Variants in RPGRIP1L observed in about 807,000 individuals in gnomAD.
The protein encoded by RPGRIP1L is RPGRIP1 like, also known as protein fantom.
RPGRIP1L carries 131 observed loss-of-function variants against 160.4 expected under a neutral mutation model. That is an observed-to-expected ratio of 0.82 (90% confidence interval 0.71 to 0.94). The LOEUF (loss-of-function observed/expected upper bound fraction) is 0.94, where lower values mean the gene tolerates loss of function less well. Among genes scored for constraint, RPGRIP1L ranks in the 40% least tolerant of loss-of-function variants. The pLI is 0.00. For missense variants in RPGRIP1L, 1,522 were observed against 1,535.8 expected, an observed-to-expected ratio of 0.99 and a Z score of 0.15; for synonymous variants, 510 against 515.8, an observed-to-expected ratio of 0.99 and a Z score of 0.15.
intron 7 of RPGRIP1L, among the ~76,000 whole-genome samples, chr16:53,674,205 T>C (rs1002506854): frequency 6.6e-6 from 1 of 152,144 alleles, no homozygotes; most frequent in Non-Finnish European, 1.5e-5. Flanking sequence ...CTGAAAAATA[T>C]TTAACTATTG....
At position 53,664,843 on chromosome 16, in the gene RPGRIP1L, G is replaced by A. The variant is rs376814935; in HGVS notation, c.1243+27C>T. On this transcript the variant is annotated intron_variant, in intron 10 of 26. Coordinates refer to ENST00000647211, the MANE Select transcript of RPGRIP1L (RefSeq NM_015272.5). ...AAGAAACATTAGATGTCTGAAATGA[G>A]TAAGGCAGTGGTTATTTCAAATGTA... 1.2e-5 allele frequency: 19 copies of A among 1,604,526 alleles called. No individual in the cohort carries two copies. In the African/African-American group the frequency reaches 1.9e-4, roughly 16 times the overall value.
At chr16:53,692,008 T>C in intron 4 of RPGRIP1L, 58 bp downstream of exon 4, 7 of 1,537,490 alleles carry the variant, frequency 4.6e-6, no homozygotes, top group Non-Finnish European at 6.3e-6. Flanking sequence ...TTGTGTTTTT[T>C]TTGTGTTAAA....
chr16:53,677,946 C>A (rs905668122), intron 6 of RPGRIP1L, among the ~76,000 whole-genome samples: 5 of 152,138 alleles, frequency 3.3e-5, no homozygotes, highest in African/African-American at 9.7e-5. Flanking sequence ...AACATTCAGA[C>A]ATTCGGATGA....
chr16:53,635,877 A>G (rs1407647406), intron 22 of RPGRIP1L, among the ~76,000 whole-genome samples: 1 of 152,180 alleles, frequency 6.6e-6, no homozygotes, highest in African/African-American at 2.4e-5. Context: ...TTTAAAAAAT[A>G]TAATTTTCTT....
chr16:53,635,846 C>G (rs1036169659), intron 22 of RPGRIP1L, among the ~76,000 whole-genome samples: 13 of 152,076 alleles, frequency 8.5e-5, no homozygotes, highest in African/African-American at 3.1e-4. Context: ...CTCTGGTAAA[C>G]AGTATACTTC....
Position 53,645,776 on chromosome 16 carries a change from G to C in RPGRIP1L, c.2532C>G (p.Phe844Leu), listed in dbSNP as rs760455293. Residue 844 changes from phenylalanine (F) to leucine (L), a missense_variant, in exon 17 of 27, where the codon TTC (phenylalanine) becomes TTG (leucine). Physicochemically the swap from Phe to Leu is conservative, Grantham distance 22. Transcript: ENST00000647211. Reference sequence around the variant, plus strand: ...CCAAGTCCATATTCATTGGCACTGGGAAATACATATGATCATCAAACTGTG... The same window carrying C: ...CCAAGTCCATATTCATTGGCACTGGCAAATACATATGATCATCAAACTGTG... ...NDPQFDDHMY[F>L]PVPMNMDLDR... is the part of the protein sequence containing the mutation. 1 of 1,614,104 alleles carries C rather than the reference G, an allele frequency of 6.2e-7. No individual in the cohort carries two copies. Among genetic ancestry groups the C allele is most frequent in the Non-Finnish European group, 8.5e-7 (1 of 1,180,008 alleles).
chr16:53,619,991 C>T (rs1809500553), intron 23 of RPGRIP1L, among the ~76,000 whole-genome samples: 1 of 151,966 alleles, frequency 6.6e-6, no homozygotes, highest in South Asian at 2.1e-4. Context: ...TATATCACAC[C>T]AAGGTAACTC....
At chr16:53,676,876 AC>A (rs1214281303) in intron 6 of RPGRIP1L, among the ~76,000 whole-genome samples, 3 of 151,038 alleles carry the variant, frequency 2.0e-5, no homozygotes, top group African/African-American at 7.3e-5. Context: ...CTCATAATCC[AC>A]CCGCCTCGGC....
rs539357880 is a variant in RPGRIP1L, at chr16:53,625,378, G to A, written c.3295-3022C>T. On this transcript the variant is annotated intron_variant, in intron 22 of 26. Coordinates refer to ENST00000647211, the MANE Select transcript of RPGRIP1L (RefSeq NM_015272.5). ...AGCGCCTCCGCCCGGCCGCCACCCC[G>A]TCTGGGAACTGGGGGGGGCGCCTCA... Among the ~76,000 whole-genome samples, 317 of 151,238 alleles carry A rather than the reference G, an allele frequency of 2.1e-3. 1 individual carries two copies. Among genetic ancestry groups the A allele is most frequent in the African/African-American group, 7.2e-3 (296 of 41,272 alleles).
chr16:53,627,572 C>A (rs779726585), intron 22 of RPGRIP1L, among the ~76,000 whole-genome samples: 2 of 152,176 alleles, frequency 1.3e-5, no homozygotes, highest in Non-Finnish European at 2.9e-5. Context: ...CTCATTCCCC[C>A]ATGGTTACCA....
rs1963402700 is a variant in RPGRIP1L, at chr16:53,602,061, C to G, written c.*15G>C. On this transcript the variant is annotated 3_prime_UTR_variant, in exon 27 of 27. Transcript: ENST00000647211. The stretch of plus-strand genomic sequence containing the variant: ...ATTTACTGAGGAGTAGGAGATGCCT[C>G]TGGAGCATTTGCTTTCAAGCCTCCA... The G allele has an allele frequency of 4.0e-6, 6 of 1,482,660 alleles. No individual in the cohort carries two copies. The East Asian group carries it at 1.4e-4, about 34-fold the overall frequency. The allele number at this position is 1,482,660 out of a possible 1,614,324, so 91.8% of individuals were successfully genotyped here. A position where few individuals can be genotyped will look rare whatever the true frequency, so the allele number is the denominator to read the frequency against.
At position 53,668,820 on chromosome 16, in the gene RPGRIP1L, G is replaced by T. The variant is rs149260167; in HGVS notation, c.1103+2690C>A. Among the ~76,000 whole-genome samples the T allele has an allele frequency of 9.2e-5, 14 of 152,196 alleles. No individual in the cohort carries two copies. The East Asian group carries it at 2.5e-3, about 27-fold the overall frequency. Reference sequence around the variant, plus strand: ...ACTTTTAAATTGAACATTTATTAAAGTTATACTTACTTCTTGGCAGTGTAT... The same window carrying T: ...ACTTTTAAATTGAACATTTATTAAATTTATACTTACTTCTTGGCAGTGTAT... On this transcript the variant is annotated intron_variant, in intron 9 of 26. Transcript: ENST00000647211.
intron 9 of RPGRIP1L, among the ~76,000 whole-genome samples, chr16:53,666,084 TGAAG>T (rs1968224531): frequency 1.3e-5 from 2 of 152,230 alleles, no homozygotes; most frequent in Non-Finnish European, 1.5e-5. Flanking sequence ...TATACGATGA[TGAAG>T]TAAATGGAAA....
chr16:53,658,975 A>G lies in RPGRIP1L; in HGVS notation c.1244-97T>C, dbSNP rs1967526341. 7 of 854,344 alleles carry G rather than the reference A, an allele frequency of 8.2e-6. No individual in the cohort carries two copies. The African/African-American group carries it at 1.0e-4, about 12-fold the overall frequency. The allele number at this position is 854,344 out of a possible 1,614,324, so 52.9% of individuals were successfully genotyped here. On this transcript the variant is annotated intron_variant, in intron 10 of 26. Coordinates refer to ENST00000647211, the MANE Select transcript of RPGRIP1L (RefSeq NM_015272.5). Reference sequence around the variant, plus strand: ...TAATTCCTGTTCCACACCAGTCTTGATCTAGTATTGTTCTGGTCAGAAAGG... The same window carrying G: ...TAATTCCTGTTCCACACCAGTCTTGGTCTAGTATTGTTCTGGTCAGAAAGG...
chr16:53,637,622 A>G, intron 21 of RPGRIP1L, 73 bp downstream of exon 21: 1 of 1,326,542 alleles, frequency 7.5e-7, no homozygotes, highest in Non-Finnish European at 1.1e-6. Context: ...AAGATGTTCT[A>G]TGATGCATAC....
intron 1 of RPGRIP1L, chr16:53,703,088 A>G (rs11075984): frequency 0.48 from 72,874 of 151,878 alleles, 21,317 homozygotes; most frequent in African/African-American, 0.82. Flanking sequence ...GGCCAACATG[A>G]TGAAACCCTG....
chr16:53,693,397 C>T (rs1175356141), intron 3 of RPGRIP1L: 1 of 152,146 alleles, frequency 6.6e-6, no homozygotes, highest in Non-Finnish European at 1.5e-5. Context: ...AATAAAAAAA[C>T]CTTTAATAGC....
At chr16:53,688,647 T>G (rs1970178907) in intron 4 of RPGRIP1L, among the ~76,000 whole-genome samples, 1 of 152,098 alleles carries the variant, frequency 6.6e-6, no homozygotes, top group Admixed American at 6.5e-5. Context: ...GAGTTTAAGG[T>G]AGATAAAGCA....
At chr16:53,631,844 C>T (rs1174007584) in intron 22 of RPGRIP1L, among the ~76,000 whole-genome samples, 5 of 152,098 alleles carry the variant, frequency 3.3e-5, no homozygotes, top group African/African-American at 1.2e-4. Context: ...CTATGTGGCA[C>T]TTTGATGTCC....
Sources: gnomAD v4.1 joint callset for allele counts (sites outside exome capture counted in the v4.1 genomes callset) on GRCh38, gnomAD v4.1.1 for gene constraint, MANE v1.5 for transcripts, NCBI Gene and HGNC (gene_info 2026-07-23, HGNC 2026-07-21) for gene names.